The following LCOR variants were observed in gnomAD, a reference collection of about 807,000 sequenced individuals.
LCOR encodes the protein ligand dependent nuclear receptor corepressor.
A neutral mutation model predicts 64.4 loss-of-function variants in LCOR; 14 were observed. The ratio of observed to expected loss-of-function variants is 0.22; its 90% CI spans 0.14 to 0.34. The LOEUF (loss-of-function observed/expected upper bound fraction) is 0.34, where lower values mean the gene tolerates loss of function less well. Among genes scored for constraint, LCOR ranks in the 10% least tolerant of loss-of-function variants. LCOR has a pLI of 1.00. For synonymous variants in LCOR, 643 were observed against 642.5 expected, an observed-to-expected ratio of 1.00 and a Z score of -0.01; for missense variants, 1,686 against 1,765.3, an observed-to-expected ratio of 0.96 and a Z score of 0.80.
chr10:96,947,272 G>A (rs1015123939), intron 5 of LCOR, among the ~76,000 whole-genome samples: 7 of 151,904 alleles, frequency 4.6e-5, no homozygotes, highest in East Asian at 1.9e-4. Context: ...TGACAGAAGC[G>A]TTATTACTAG....
rs1564646165 is a variant in LCOR at position 96,983,080 on chromosome 10, A to G, written c.2620A>G (p.Ser874Gly). ...AACACCTAAGGGCCTTCTACCTGAC[A>G]GTTTCCACACGGAAACTCTGGAGGA... The part of the protein sequence containing the change: ...GTTPKGLLPD[S>G]FHTETLEDTE... The change falls in exon 8 of 8, where the codon AGT becomes GGT. Residue 874 changes from serine (S) to glycine (G), a missense_variant. By Grantham distance (56) the Ser-to-Gly change is moderately conservative. Transcript: ENST00000421806. This position sits in a 1 kb window ranked among gnomAD's most constrained non-coding sequence, Gnocchi z 4.5. The G allele has an allele frequency of 2.5e-6, 4 of 1,613,634 alleles. No homozygotes were observed. Among genetic ancestry groups the G allele is most frequent in the Admixed American group, 1.7e-5 (1 of 60,002 alleles).
intron 2 of LCOR, among the ~76,000 whole-genome samples, chr10:96,845,083 T>G (rs1249509410): frequency 6.6e-6 from 1 of 152,056 alleles, no homozygotes; most frequent in African/African-American, 2.4e-5. Flanking sequence ...GTGTAATTAC[T>G]GAGAAGGAGA....
At chr10:96,943,448 A>G (rs1466272368) in intron 4 of LCOR, among the ~76,000 whole-genome samples, 6 of 152,256 alleles carry the variant, frequency 3.9e-5, no homozygotes, top group Non-Finnish European at 8.8e-5. Flanking sequence ...TATTGTAACA[A>G]AAGATAATGC....
intron 2 of LCOR, among the ~76,000 whole-genome samples, chr10:96,854,308 C>A (rs531603960): frequency 6.6e-6 from 1 of 152,210 alleles, no homozygotes; most frequent in South Asian, 2.1e-4. Context: ...CATTTACAAT[C>A]TACATCAGAA....
At chr10:96,953,500 A>G (rs532395884) in intron 7 of LCOR, among the ~76,000 whole-genome samples, 5 of 152,314 alleles carry the variant, frequency 3.3e-5, no homozygotes, top group African/African-American at 4.8e-5. Context: ...GCAGTGAGCC[A>G]TGATCACAAC....
intron 4 of LCOR, among the ~76,000 whole-genome samples, chr10:96,930,119 G>T (rs942416112): frequency 1.3e-5 from 2 of 152,132 alleles, no homozygotes; most frequent in Non-Finnish European, 2.9e-5. Flanking sequence ...ATATGCTCTT[G>T]GGAAAATGGC....
At chr10:96,952,022 T>C in intron 6 of LCOR, 81 bp from the exon 7 acceptor site, 2 of 947,930 alleles carry the variant, frequency 2.1e-6, no homozygotes, top group Non-Finnish European at 3.4e-6. Flanking sequence ...CCTGCTTAAC[T>C]GCTTTTTCAT....
At chr10:96,900,029 A>G (rs1411430723) in intron 2 of LCOR, among the ~76,000 whole-genome samples, 2 of 152,170 alleles carry the variant, frequency 1.3e-5, no homozygotes, top group African/African-American at 2.4e-5. Flanking sequence ...ATCTAATTTT[A>G]GAATATTTCC....
At position 96,905,642 on chromosome 10, in the gene LCOR, G is replaced by C. The variant is rs370209225; in HGVS notation, c.-329-1623G>C. Among the ~76,000 whole-genome samples the C allele has an allele frequency of 4.9e-4, 74 of 152,100 alleles. No individual in the cohort carries two copies. In the East Asian group the frequency reaches 0.014, roughly 28 times the overall value. Reference sequence around the variant, plus strand: ...TTTTTCCTCCCTAGTGTGGAAGAGAGGGGACCATAGCAATTTAGTGGAATA... The same window carrying C: ...TTTTTCCTCCCTAGTGTGGAAGAGACGGGACCATAGCAATTTAGTGGAATA... On this transcript the variant is annotated intron_variant, in intron 2 of 7. Transcript: ENST00000421806.
chr10:96,946,271 A>G (rs1312605174), intron 5 of LCOR, among the ~76,000 whole-genome samples: 1 of 152,108 alleles, frequency 6.6e-6, no homozygotes, highest in Non-Finnish European at 1.5e-5. Context: ...TGTTTTAATA[A>G]TTCAGATGCT....
chr10:96,968,535 C>T (rs1196412992), intron 7 of LCOR, among the ~76,000 whole-genome samples: 1 of 152,106 alleles, frequency 6.6e-6, no homozygotes, highest in Non-Finnish European at 1.5e-5. Flanking sequence ...TAAAAATCAG[C>T]ATTAATAGGT....
intron 4 of LCOR, among the ~76,000 whole-genome samples, chr10:96,919,604 C>T (rs971430857): frequency 6.6e-6 from 1 of 152,102 alleles, no homozygotes; most frequent in South Asian, 2.1e-4. Context: ...GTCTCCAGAA[C>T]TCTCTTCATC....
At chr10:96,842,096 A>G (rs975886441) in intron 2 of LCOR, among the ~76,000 whole-genome samples, 1 of 151,768 alleles carries the variant, frequency 6.6e-6, no homozygotes, top group East Asian at 1.9e-4. Context: ...CTAAACTCAC[A>G]GTATAAAGGG....
chr10:96,979,474 A>G (rs938836418), intron 7 of LCOR, among the ~76,000 whole-genome samples: 1 of 152,232 alleles, frequency 6.6e-6, no homozygotes, highest in Non-Finnish European at 1.5e-5. Flanking sequence ...ACCCTTTCAC[A>G]CAGTCCCCAC....
intron 4 of LCOR, among the ~76,000 whole-genome samples, chr10:96,942,077 G>A (rs28392745): frequency 4.4e-5 from 6 of 137,190 alleles, no homozygotes; most frequent in African/African-American, 8.2e-5. Flanking sequence ...GCACTTTGGG[G>A]GGCCAAGGCA....
Position 96,893,177 on chromosome 10 carries a change from A to G in LCOR, c.-329-14088A>G, listed in dbSNP as rs556421660. 3.3e-5 allele frequency among the ~76,000 whole-genome samples: 5 copies of G among 152,288 alleles called. No homozygotes were observed. In the South Asian group the frequency reaches 1.0e-3, roughly 32 times the overall value. ...AATAACAACTTGGTTTCAATAGTAT[A>G]TAAAATACTTTGCTGCTACATAGCT... On this transcript the variant is annotated intron_variant, in intron 2 of 7. Transcript: ENST00000421806.
At chr10:96,886,831 T>A (rs896864906) in intron 2 of LCOR, among the ~76,000 whole-genome samples, 9 of 152,254 alleles carry the variant, frequency 5.9e-5, no homozygotes, top group Admixed American at 2.6e-4. Flanking sequence ...CATTTATTCC[T>A]ATCTTTAAAC....
intron 7 of LCOR, among the ~76,000 whole-genome samples, chr10:96,977,500 T>A (rs1007742536): frequency 6.6e-6 from 1 of 152,184 alleles, no homozygotes; most frequent in Non-Finnish European, 1.5e-5. Flanking sequence ...GAAGAATAAA[T>A]TATGTTCCAA....
At chr10:96,911,626 C>T (rs1431961477) in intron 4 of LCOR, among the ~76,000 whole-genome samples, 1 of 152,038 alleles carries the variant, frequency 6.6e-6, no homozygotes, top group Non-Finnish European at 1.5e-5. Flanking sequence ...GGGAGGGAAT[C>T]CTCAGTTGGA....
Sources: gnomAD v4.1 joint callset for allele counts (sites outside exome capture counted in the v4.1 genomes callset) on GRCh38, gnomAD v4.1.1 for gene constraint, Gnocchi (gnomAD v3.1) non-coding constraint, MANE v1.5 for transcripts, NCBI Gene and HGNC (gene_info 2026-07-23, HGNC 2026-07-21) for gene names.